PCDHA9: variants seen among roughly 807,000 people sequenced by gnomAD.
The protein encoded by PCDHA9 is protocadherin alpha 9.
Under a neutral mutation model 62.0 loss-of-function variants are expected in PCDHA9, and 62 were observed. The ratio of observed to expected loss-of-function variants is 1.00; its 90% confidence interval spans 0.81 to 1.23. The LOEUF is 1.23. Among genes scored for constraint, PCDHA9 ranks in the 50% most tolerant of loss-of-function variants. The pLI, the probability that PCDHA9 is intolerant of heterozygous loss-of-function variation, is 0.00. For synonymous variants in PCDHA9, 557 were observed against 567.6 expected (o/e 0.98, Z 0.27); for missense variants, 1,205 against 1,249.8 (o/e 0.96, Z 0.54).
At chr5:140,949,626 G>A (rs2094403314) in intron 1 of PCDHA9, among the ~76,000 whole-genome samples, 1 of 151,546 alleles carries the variant, frequency 6.6e-6, no homozygotes, top group Non-Finnish European at 1.5e-5. Context: ...CTGTTTTCAT[G>A]GCATATTGCT....
rs563652109 is a variant in PCDHA9 at position 140,884,316 on chromosome 5, C to G, written c.2394+33427C>G. 26 of 1,613,752 alleles carry G rather than the reference C, an allele frequency of 1.6e-5. 2 individuals carry two copies. The South Asian group carries it at 2.5e-4, about 16-fold the overall frequency. On this transcript the variant is annotated intron_variant, in intron 1 of 3. Transcript: ENST00000532602. ...GCGCCACAGGCTTCGTCGAGGGCGT[C>G]GGCAGGCGCTGTGGGTCCAGAAGCG...
chr5:140,963,600 G>T (rs111244023), intron 1 of PCDHA9, among the ~76,000 whole-genome samples: 1 of 152,180 alleles, frequency 6.6e-6, no homozygotes, highest in Non-Finnish European at 1.5e-5. Context: ...AGTTCTAGAC[G>T]TAATTGGGAA....
At chr5:140,946,948 T>C (rs1315606645) in intron 1 of PCDHA9, among the ~76,000 whole-genome samples, 2 of 151,534 alleles carry the variant, frequency 1.3e-5, no homozygotes, top group African/African-American at 4.8e-5. Context: ...TTAAGAATAA[T>C]GTATATTTCA....
At chr5:141,006,528 T>A (rs1161709459) in intron 3 of PCDHA9, among the ~76,000 whole-genome samples, 1 of 152,092 alleles carries the variant, frequency 6.6e-6, no homozygotes, top group African/African-American at 2.4e-5. Context: ...ACATCAGTTT[T>A]TAAAGAGAGA....
intron 3 of PCDHA9, among the ~76,000 whole-genome samples, chr5:140,995,888 T>C (rs1307052037): frequency 3.3e-5 from 5 of 152,216 alleles, no homozygotes; most frequent in Non-Finnish European, 5.9e-5. Flanking sequence ...GCTTCAGATT[T>C]ATCAATGTAT....
intron 3 of PCDHA9, among the ~76,000 whole-genome samples, chr5:141,000,228 G>C (rs994042672): frequency 3.3e-5 from 5 of 151,306 alleles, no homozygotes; most frequent in Non-Finnish European, 2.9e-5. Context: ...CCTGTGTGGA[G>C]CTGAATGTGG....
chr5:140,886,815 A>G (rs1251237856), intron 1 of PCDHA9, among the ~76,000 whole-genome samples: 1 of 149,622 alleles, frequency 6.7e-6, no homozygotes, highest in African/African-American at 2.5e-5. Context: ...TGACAGAGCA[A>G]GACTTCGTCT....
intron 1 of PCDHA9, chr5:140,884,142 G>A (rs782033390): frequency 5.6e-6 from 9 of 1,613,298 alleles, no homozygotes; most frequent in African/African-American, 1.3e-5. Flanking sequence ...TTCCGCGTGG[G>A]GCTGTACACT....
intron 1 of PCDHA9, among the ~76,000 whole-genome samples, chr5:140,895,055 A>G (rs1313066261): frequency 6.6e-6 from 1 of 152,118 alleles, no homozygotes; most frequent in East Asian, 1.9e-4. Context: ...ATTCTGCTTC[A>G]TATGGACTCA....
intron 1 of PCDHA9, among the ~76,000 whole-genome samples, chr5:140,890,187 CAG>C (rs2062529084): frequency 1.3e-5 from 2 of 152,228 alleles, no homozygotes; most frequent in South Asian, 4.1e-4. Context: ...TGCTACAAAA[CAG>C]AGTTTTTTGT....
At chr5:140,997,833 A>G (rs2097787444) in intron 3 of PCDHA9, among the ~76,000 whole-genome samples, 1 of 152,230 alleles carries the variant, frequency 6.6e-6, no homozygotes. Flanking sequence ...TCTAAACAAT[A>G]CAATATACAT....
chr5:140,929,283 G>C lies in PCDHA9; in HGVS notation c.2395-49666G>C, dbSNP rs782178876. On this transcript the variant is annotated intron_variant, in intron 1 of 3. Coordinates refer to ENST00000532602, the MANE Select transcript of PCDHA9 (RefSeq NM_031857.2). ...TGAATTTGCCAATATCCTGTATTCA[G>C]ATTCGGAATAGGAAAGGGGATCACG... 52 of 1,600,904 alleles carry C rather than the reference G, an allele frequency of 3.2e-5. No homozygotes were observed. The African/African-American group carries it at 6.7e-4, about 21-fold the overall frequency.
At chr5:140,976,491 C>T (rs1478947639) in intron 1 of PCDHA9, among the ~76,000 whole-genome samples, 2 of 152,172 alleles carry the variant, frequency 1.3e-5, no homozygotes, top group East Asian at 1.9e-4. Context: ...GCAGAGGTTG[C>T]AGGGAGCCAA....
At chr5:140,870,368 T>A in intron 1 of PCDHA9, 1 of 1,614,094 alleles carries the variant, frequency 6.2e-7, no homozygotes, top group Admixed American at 1.7e-5. Context: ...GCCTATGAAC[T>A]GGTGGTGACT....
At chr5:140,979,408 GT>G (rs558051720) in intron 2 of PCDHA9, among the ~76,000 whole-genome samples, 17 of 147,706 alleles carry the variant, frequency 1.2e-4, no homozygotes, top group East Asian at 4.0e-4. Flanking sequence ...TGTCTACCTT[GT>G]TTTTTTTTTA....
intron 1 of PCDHA9, among the ~76,000 whole-genome samples, chr5:140,880,362 A>G (rs1005788716): frequency 4.6e-5 from 7 of 152,236 alleles, no homozygotes; most frequent in Non-Finnish European, 1.0e-4. Context: ...ATTTAGATGA[A>G]AACCATGAGA....
Position 140,850,651 on chromosome 5 carries a change from C to T in PCDHA9, c.2156C>T (p.Thr719Ile), listed in dbSNP as rs2150492277. The change falls in exon 1 of 4, where the codon ACT becomes ATT. Residue 719 changes from threonine (T) to isoleucine (I), a missense_variant. Transcript: ENST00000532602. The stretch of plus-strand genomic sequence containing the variant: ...TTGGTTCTCACGCTGCTGCTGTACA[C>T]TGTGCTGCGGTGCTCGGCGATGCCC... ...SLLVLTLLLY[T>I]VLRCSAMPTE... The T allele has an allele frequency of 1.9e-6, 3 of 1,598,626 alleles. No individual in the cohort carries two copies. Among genetic ancestry groups the T allele is most frequent in the Admixed American group, 1.7e-5 (1 of 59,334 alleles).
At position 140,857,729 on chromosome 5, in the gene PCDHA9, G is replaced by A. The variant is rs782508750; in HGVS notation, c.2394+6840G>A. 1.8e-5 allele frequency: 29 copies of A among 1,597,292 alleles called. 3 individuals are homozygous for A. The highest frequency in any genetic ancestry group is 1.3e-5 in the African/African-American group (1 of 74,288). ...GTTCGTGCTGGACGAGAACGACAACGCTCCCGCGCTGCTGGCGTCTCCCGC... is the reference window on the plus strand; with the variant it reads ...GTTCGTGCTGGACGAGAACGACAACACTCCCGCGCTGCTGGCGTCTCCCGC... On this transcript the variant is annotated intron_variant, in intron 1 of 3. Transcript: ENST00000532602.
intron 1 of PCDHA9, chr5:140,869,853 C>T: frequency 1.2e-6 from 2 of 1,610,606 alleles, no homozygotes; most frequent in South Asian, 2.2e-5. Flanking sequence ...ATAAGGTGAG[C>T]CTTATGGAAA....
Sources: allele counts gnomAD v4.1 joint callset (sites outside exome capture counted in the v4.1 genomes callset), GRCh38; gene constraint gnomAD v4.1.1; transcripts MANE v1.5; gene names NCBI Gene and HGNC (gene_info 2026-07-23, HGNC 2026-07-21).